MYO1D: variants seen among roughly 807,000 people sequenced by gnomAD.
MYO1D encodes the protein unconventional myosin-Id.
Under a neutral mutation model 122.0 loss-of-function variants are expected in MYO1D, and 83 were observed. The ratio of observed to expected loss-of-function variants is 0.68; its 90% CI spans 0.57 to 0.82. MYO1D has a LOEUF of 0.82. MYO1D is among the 40% of genes least tolerant of loss of function. The pLI is 0.00. For synonymous variants in MYO1D, 464 were observed against 446.9 expected, an observed-to-expected ratio of 1.04 and a Z score of -0.48; for missense variants, 1,157 against 1,269.5, an observed-to-expected ratio of 0.91 and a Z score of 1.35.
At chr17:32,543,942 G>A (rs1050956842) in intron 21 of MYO1D, among the ~76,000 whole-genome samples, 3 of 151,320 alleles carry the variant, frequency 2.0e-5, no homozygotes, top group East Asian at 2.0e-4. Flanking sequence ...ATAGGCGTGT[G>A]CCACCACACC....
chr17:32,708,866 G>A (rs1439095466), intron 16 of MYO1D, among the ~76,000 whole-genome samples: 1 of 152,174 alleles, frequency 6.6e-6, no homozygotes, highest in Non-Finnish European at 1.5e-5. Flanking sequence ...TTCCTAGACA[G>A]AGACTAATTT....
chr17:32,654,823 G>A (rs2088452856), intron 17 of MYO1D, among the ~76,000 whole-genome samples: 1 of 152,078 alleles, frequency 6.6e-6, no homozygotes, highest in South Asian at 2.1e-4. Flanking sequence ...GATTACAGGT[G>A]TGTGCCACCA....
intron 12 of MYO1D, 103 bp from the exon 13 acceptor site, chr17:32,745,388 T>C: frequency 1.5e-6 from 1 of 680,690 alleles, no homozygotes; most frequent in South Asian, 1.9e-5. Context: ...AATTATGCAA[T>C]CAATAATCTA....
chr17:32,706,399 C>A (rs1190482327), intron 16 of MYO1D, among the ~76,000 whole-genome samples: 1 of 152,126 alleles, frequency 6.6e-6, no homozygotes, highest in Non-Finnish European at 1.5e-5. Context: ...TGAGCCATTG[C>A]ACCTGGCCTA....
At chr17:32,504,169 C>G (rs1909416370) in intron 21 of MYO1D, among the ~76,000 whole-genome samples, 1 of 152,216 alleles carries the variant, frequency 6.6e-6, no homozygotes, top group African/African-American at 2.4e-5. Flanking sequence ...AGACCTCACC[C>G]AAGCCTGCTG....
At chr17:32,507,687 C>G (rs185118375) in intron 21 of MYO1D, among the ~76,000 whole-genome samples, 73 of 152,292 alleles carry the variant, frequency 4.8e-4, no homozygotes, top group African/African-American at 1.7e-3. Context: ...GAAGACCTAG[C>G]CTTCAACACC....
chr17:32,811,140 T>C (rs2090568503), intron 1 of MYO1D, among the ~76,000 whole-genome samples: 2 of 152,190 alleles, frequency 1.3e-5, no homozygotes. Context: ...GAAGGAGCAG[T>C]TTCTGCTCTC....
At chr17:32,690,226 C>T (rs1028021078) in intron 16 of MYO1D, among the ~76,000 whole-genome samples, 3 of 149,356 alleles carry the variant, frequency 2.0e-5, no homozygotes, top group African/African-American at 4.9e-5. Context: ...TCTGTCATCC[C>T]GGCTGGAGTG....
chr17:32,876,027 T>C (rs891576610), intron 1 of MYO1D, among the ~76,000 whole-genome samples: 2 of 152,150 alleles, frequency 1.3e-5, no homozygotes, highest in Non-Finnish European at 2.9e-5. Flanking sequence ...TGTGACTACG[T>C]TCTCAAGGAT....
intron 21 of MYO1D, among the ~76,000 whole-genome samples, chr17:32,554,889 G>A (rs933284320): frequency 1.3e-5 from 2 of 152,154 alleles, no homozygotes; most frequent in African/African-American, 4.8e-5. Flanking sequence ...ATTAAATCTA[G>A]TGCAAAGTGA....
rs1291766504 is a variant in MYO1D at position 32,620,186 on chromosome 17, T to C, written c.2710-14945A>G. ...TGTCCCTCTGCTTCCACTGACATAC[T>C]GAGAGGGGTTGGGTACCTCATTACC... On this transcript the variant is annotated intron_variant, in intron 20 of 21. Coordinates refer to ENST00000318217, the MANE Select transcript of MYO1D (RefSeq NM_015194.3). Among the ~76,000 whole-genome samples, 6 of 152,220 alleles carry C rather than the reference T, an allele frequency of 3.9e-5. No homozygotes were observed. The East Asian group carries it at 1.2e-3, about 29-fold the overall frequency.
Position 32,716,048 on chromosome 17 carries a change from T to A in MYO1D, c.1914-3853A>T, listed in dbSNP as rs572695607. Among the ~76,000 whole-genome samples the A allele has an allele frequency of 4.0e-5, 6 of 151,626 alleles. No individual in the cohort carries two copies. The East Asian group carries it at 9.7e-4, about 24-fold the overall frequency. On this transcript the variant is annotated intron_variant, in intron 15 of 21. Transcript: ENST00000318217. Reference sequence around the variant, plus strand: ...ATTCTGCATACATCAGTCAGAGTAGTTTTCTAAAAAGCTTGAAATCATTTT... The same window carrying A: ...ATTCTGCATACATCAGTCAGAGTAGATTTCTAAAAAGCTTGAAATCATTTT...
chr17:32,716,219 G>A (rs1426525042), intron 15 of MYO1D, among the ~76,000 whole-genome samples: 1 of 152,166 alleles, frequency 6.6e-6, no homozygotes, highest in East Asian at 1.9e-4. Flanking sequence ...GTCCTTGAAA[G>A]TCTGGCTCCT....
At chr17:32,615,108 G>T (rs1402239191) in intron 20 of MYO1D, among the ~76,000 whole-genome samples, 1 of 152,210 alleles carries the variant, frequency 6.6e-6, no homozygotes, top group Non-Finnish European at 1.5e-5. Flanking sequence ...GTCTGGGGTG[G>T]ATTGTTACAC....
At chr17:32,628,951 A>G (rs2087964626) in intron 20 of MYO1D, among the ~76,000 whole-genome samples, 1 of 152,252 alleles carries the variant, frequency 6.6e-6, no homozygotes, top group African/African-American at 2.4e-5. Flanking sequence ...TAGTAGCTTT[A>G]TTCATAGTTG....
chr17:32,870,853 C>T (rs548730072), intron 1 of MYO1D, among the ~76,000 whole-genome samples: 1 of 152,272 alleles, frequency 6.6e-6, no homozygotes, highest in East Asian at 1.9e-4. Flanking sequence ...AAGGTGGTTG[C>T]CCCCAAGCAT....
chr17:32,642,222 T>C (rs1195244051), intron 19 of MYO1D, among the ~76,000 whole-genome samples: 997 of 129,130 alleles, frequency 7.7e-3, no homozygotes, highest in South Asian at 0.018. Context: ...GTCAGGTTTG[T>C]CAAAGATCAG....
chr17:32,616,063 C>T (rs1319036883), intron 20 of MYO1D, among the ~76,000 whole-genome samples: 2 of 152,168 alleles, frequency 1.3e-5, no homozygotes, highest in African/African-American at 2.4e-5. Context: ...GTGTTTTGTG[C>T]CCCTCATTCC....
intron 21 of MYO1D, among the ~76,000 whole-genome samples, chr17:32,598,582 A>T (rs1410129300): frequency 6.6e-6 from 1 of 152,170 alleles, no homozygotes; most frequent in African/African-American, 2.4e-5. Context: ...CATCTTTTGG[A>T]ATATACAGGC....
Sources: allele counts gnomAD v4.1 joint callset (sites outside exome capture counted in the v4.1 genomes callset), GRCh38; gene constraint gnomAD v4.1.1; transcripts MANE v1.5; gene names NCBI Gene and HGNC (gene_info 2026-07-23, HGNC 2026-07-21).